SPAST: variants seen among roughly 807,000 people sequenced by gnomAD.
SPAST encodes the protein spastic paraplegia 4 (autosomal dominant; spastin).
A neutral mutation model predicts 76.6 loss-of-function variants in SPAST; 30 were observed. The observed-to-expected ratio is 0.39, with a 90% CI of 0.29 to 0.53. The LOEUF (loss-of-function observed/expected upper bound fraction) is 0.53, where lower values mean the gene tolerates loss of function less well. Among genes scored for constraint, SPAST ranks in the 20% least tolerant of loss-of-function variants. The pLI is 0.68. For synonymous variants in SPAST, 305 were observed against 281.0 expected (o/e 1.09, Z -0.86); for missense variants, 717 against 770.5 (o/e 0.93, Z 0.82).
chr2:32,114,626 T>C lies in SPAST; in HGVS notation c.683-12T>C. ...TTTTCTAATCACAATGGTTTTACTTTTTCCTTGTCAGAAAGTGGAGCTGTT... is the reference window on the plus strand; with the variant it reads ...TTTTCTAATCACAATGGTTTTACTTCTTCCTTGTCAGAAAGTGGAGCTGTT... On this transcript the variant is annotated splice_polypyrimidine_tract_variant and intron_variant, in intron 4 of 16. Coordinates refer to ENST00000315285, the MANE Select transcript of SPAST (RefSeq NM_014946.4). The C allele has an allele frequency of 1.2e-6, 2 of 1,612,526 alleles. No homozygotes were observed. Among genetic ancestry groups the C allele is most frequent in the Non-Finnish European group, 1.7e-6 (2 of 1,178,530 alleles).
chr2:32,131,731 C>T (rs574863951), intron 9 of SPAST, among the ~76,000 whole-genome samples: 59 of 130,074 alleles, frequency 4.5e-4, no homozygotes, highest in African/African-American at 1.6e-3. Flanking sequence ...GGCGTGATCT[C>T]GGCTCACTGC....
intron 4 of SPAST, among the ~76,000 whole-genome samples, chr2:32,108,075 G>C (rs1312235956): frequency 6.6e-6 from 1 of 152,088 alleles, no homozygotes; most frequent in Non-Finnish European, 1.5e-5. Context: ...TAGAAACTGT[G>C]AGTGGGCCCA....
At chr2:32,114,388 C>A (rs966908876) in intron 4 of SPAST, among the ~76,000 whole-genome samples, 2 of 151,954 alleles carry the variant, frequency 1.3e-5, no homozygotes, top group Non-Finnish European at 2.9e-5. Flanking sequence ...GCACTCCAGC[C>A]CAGGCCACAG....
At chr2:32,134,167 C>G (rs1383920383) in intron 9 of SPAST, among the ~76,000 whole-genome samples, 1 of 152,106 alleles carries the variant, frequency 6.6e-6, no homozygotes. Flanking sequence ...TCCCAAGTAG[C>G]TGGGACTATA....
At chr2:32,108,556 C>T (rs1007338570) in intron 4 of SPAST, among the ~76,000 whole-genome samples, 40 of 151,864 alleles carry the variant, frequency 2.6e-4, no homozygotes, top group African/African-American at 9.7e-4. Flanking sequence ...GACTCTTTCT[C>T]CCAGGCTGGA....
At chr2:32,095,479 C>G (rs1677880964) in intron 3 of SPAST, among the ~76,000 whole-genome samples, 1 of 151,878 alleles carries the variant, frequency 6.6e-6, no homozygotes, top group Non-Finnish European at 1.5e-5. Context: ...TACCTGTAAT[C>G]CTAGCACTTT....
At chr2:32,100,309 T>C (rs1319411706) in intron 4 of SPAST, among the ~76,000 whole-genome samples, 1 of 150,784 alleles carries the variant, frequency 6.6e-6, no homozygotes, top group Non-Finnish European at 1.5e-5. Context: ...TCCAGCTAGT[T>C]TTATTGGTTA....
chr2:32,134,363 G>A (rs1344967639), intron 9 of SPAST, among the ~76,000 whole-genome samples: 1 of 152,044 alleles, frequency 6.6e-6, no homozygotes, highest in Non-Finnish European at 1.5e-5. Flanking sequence ...TTAGCGGGGT[G>A]TGGTGGCAGG....
At chr2:32,144,300 G>A (rs998765951) in intron 14 of SPAST, among the ~76,000 whole-genome samples, 5 of 152,230 alleles carry the variant, frequency 3.3e-5, no homozygotes, top group Middle Eastern at 3.4e-3. Flanking sequence ...CAAGATAAAC[G>A]CTAATTAGAG....
chr2:32,136,910 A>G lies in SPAST; in HGVS notation c.1355A>G (p.Glu452Gly). 1 of 1,613,784 alleles carries G rather than the reference A, an allele frequency of 6.2e-7. No homozygotes were observed. Among genetic ancestry groups the G allele is most frequent in the Non-Finnish European group, 8.5e-7 (1 of 1,179,788 alleles). The part of the protein sequence containing the change: ...EVDSLLCERR[E>G]GEHDASRRLK... ...GATAGCCTTTTGTGTGAAAGAAGAG[A>G]AGGGGAGCACGATGCTAGTAGACGC... The change falls in exon 11 of 17, where the codon GAA becomes GGA. Residue 452 changes from glutamate to glycine, a missense_variant. Around this residue, in one of 3 missense-constraint regions of SPAST, gnomAD observed 78 missense variants for 197.6 expected, o/e 0.39. Coordinates refer to ENST00000315285, the MANE Select transcript of SPAST (RefSeq NM_014946.4).
chr2:32,136,131 T>A (rs1302688314), intron 9 of SPAST, among the ~76,000 whole-genome samples: 2 of 152,240 alleles, frequency 1.3e-5, no homozygotes, highest in South Asian at 2.1e-4. Context: ...TGAGAATGAC[T>A]TTTCACGGTG....
intron 16 of SPAST, among the ~76,000 whole-genome samples, chr2:32,147,716 C>T (rs1679942012): frequency 6.6e-6 from 1 of 151,768 alleles, no homozygotes; most frequent in African/African-American, 2.4e-5. Context: ...ACTGCAAGCT[C>T]TGCCTCCCGG....
At chr2:32,121,514 T>G (rs1000827458) in intron 7 of SPAST, among the ~76,000 whole-genome samples, 4 of 151,316 alleles carry the variant, frequency 2.6e-5, no homozygotes, top group Non-Finnish European at 4.4e-5. Context: ...TAAAAAAAGT[T>G]TTTTTGTTTC....
At chr2:32,127,944 T>C (rs56322034) in intron 8 of SPAST, 44,027 of 158,618 alleles carry the variant, frequency 0.28, 6,587 homozygotes, top group East Asian at 0.55. Flanking sequence ...AAGGAACACA[T>C]TGATTGCCAT....
chr2:32,073,983 G>T (rs539959809), intron 1 of SPAST, among the ~76,000 whole-genome samples: 1 of 152,156 alleles, frequency 6.6e-6, no homozygotes, highest in African/African-American at 2.4e-5. Context: ...CGATCTCCAG[G>T]AACAAACTTA....
rs947753122 is a variant in SPAST, at chr2:32,156,553, C to G, written c.*2057C>G. On this transcript the variant is annotated 3_prime_UTR_variant, in exon 17 of 17. Transcript: ENST00000315285. ...ACATTACAACATCAATTATGAAATA[C>G]TGATAACGAAAGGTAGTAATGAAAT... 14 of 151,956 alleles carry G rather than the reference C, an allele frequency of 9.2e-5. No individual in the cohort carries two copies. The highest frequency in any genetic ancestry group is 3.4e-4 in the African/African-American group (14 of 41,344). 9.4% of individuals were successfully genotyped at this position (151,956 alleles called of 1,614,324 possible).
chr2:32,078,376 A>T lies in SPAST; in HGVS notation c.416-9116A>T, dbSNP rs982735864. The stretch of plus-strand genomic sequence containing the variant: ...TTTGGTAGAGATGGAGTTTCTGGCC[A>T]AGCTGGCCAGGCTGGTCTCGAACGC... On this transcript the variant is annotated intron_variant, in intron 1 of 16. Transcript: ENST00000315285. Among the ~76,000 whole-genome samples, 10 of 152,182 alleles carry T rather than the reference A, an allele frequency of 6.6e-5. No homozygotes were observed. The East Asian group carries it at 1.7e-3, about 26-fold the overall frequency.
At chr2:32,110,640 ATATAGTATATATAG>A (rs1020852104) in intron 4 of SPAST, among the ~76,000 whole-genome samples, 24 of 138,216 alleles carry the variant, frequency 1.7e-4, no homozygotes, top group Admixed American at 4.6e-4. Flanking sequence ...TATGTAGTAT[ATATAGTATATATAG>A]TATAGTATAT....
At chr2:32,136,729 G>A in intron 10 of SPAST, 91 bp downstream of exon 10, 2 of 1,338,926 alleles carry the variant, frequency 1.5e-6, no homozygotes, top group Non-Finnish European at 2.1e-6. Flanking sequence ...TTATTCAGAA[G>A]GAAGAAGTTT....
Sources: allele counts gnomAD v4.1 joint callset (sites outside exome capture counted in the v4.1 genomes callset), GRCh38; gene constraint gnomAD v4.1.1; regional missense constraint gnomAD v4.1.1; transcripts MANE v1.5; gene names NCBI Gene and HGNC (gene_info 2026-07-23, HGNC 2026-07-21).